Variants in ZBTB7C observed in about 807,000 individuals in gnomAD.
ZBTB7C encodes zinc finger and BTB domain containing 7C.
ZBTB7C carries 8 observed loss-of-function variants against 25.7 expected under a neutral mutation model. The ratio of observed to expected loss-of-function variants is 0.31; its 90% CI spans 0.18 to 0.56. The LOEUF is 0.56. Among genes scored for constraint, ZBTB7C ranks in the 20% least tolerant of loss-of-function variants. The probability of loss-of-function intolerance (pLI) is 0.91; values close to 1 mark genes in which losing one functional copy is unlikely to be tolerated. For missense variants in ZBTB7C, 824 were observed against 855.2 expected, an observed-to-expected ratio of 0.96 and a Z score of 0.46; for synonymous variants, 394 against 369.0, an observed-to-expected ratio of 1.07 and a Z score of -0.78.
chr18:48,191,658 C>G (rs527776044), intron 2 of ZBTB7C, among the ~76,000 whole-genome samples: 9 of 152,308 alleles, frequency 5.9e-5, no homozygotes, highest in African/African-American at 1.9e-4. Flanking sequence ...CTAGTGGGAG[C>G]CCAGCGCTTG....
At chr18:48,306,335 C>T (rs1233833567) in intron 2 of ZBTB7C, among the ~76,000 whole-genome samples, 3 of 152,102 alleles carry the variant, frequency 2.0e-5, no homozygotes, top group African/African-American at 7.2e-5. Flanking sequence ...GAAGAAGGGA[C>T]CCAATTCTGT....
intron 2 of ZBTB7C, among the ~76,000 whole-genome samples, chr18:48,234,854 T>C (rs1009116090): frequency 1.3e-5 from 2 of 152,226 alleles, no homozygotes; most frequent in Non-Finnish European, 2.9e-5. Flanking sequence ...GTATTTCCTT[T>C]GTGTATTTCG....
intron 2 of ZBTB7C, among the ~76,000 whole-genome samples, chr18:48,194,970 G>C (rs1290988494): frequency 6.6e-6 from 1 of 152,096 alleles, no homozygotes; most frequent in African/African-American, 2.4e-5. Flanking sequence ...CCAGCTCTGG[G>C]AAACTCAGCC....
chr18:48,316,218 AG>A lies in ZBTB7C; in HGVS notation c.-79+21955del, dbSNP rs2045943618. Among the ~76,000 whole-genome samples the A allele has an allele frequency of 2.0e-5, 3 of 152,240 alleles. No individual in the cohort carries two copies. The South Asian group carries it at 6.2e-4, about 32-fold the overall frequency. ...ACTAAAAATCTTCATGGAAAATAGAAGGGGATTTGTTTTAGTTTTTGTTTTA... is the reference window on the plus strand; with the variant it reads ...ACTAAAAATCTTCATGGAAAATAGAAGGGATTTGTTTTAGTTTTTGTTTTA... On this transcript the variant is annotated intron_variant, in intron 2 of 4. Coordinates refer to ENST00000590800, the MANE Select transcript of ZBTB7C (RefSeq NM_001318841.2).
intron 1 of ZBTB7C, among the ~76,000 whole-genome samples, chr18:48,349,025 C>T (rs1418465162): frequency 2.0e-5 from 3 of 152,156 alleles, no homozygotes; most frequent in Non-Finnish European, 2.9e-5. Flanking sequence ...GGCATGGAAG[C>T]TGGGGGAGGG....
chr18:48,230,229 T>C (rs1221567848), intron 2 of ZBTB7C, among the ~76,000 whole-genome samples: 1 of 152,158 alleles, frequency 6.6e-6, no homozygotes, highest in Non-Finnish European at 1.5e-5. Context: ...CATCCACCAG[T>C]CCTCTCCCCA....
At chr18:48,297,357 A>G (rs533199091) in intron 2 of ZBTB7C, among the ~76,000 whole-genome samples, 2 of 152,296 alleles carry the variant, frequency 1.3e-5, no homozygotes, top group South Asian at 4.2e-4. Context: ...TTGTTTGTAT[A>G]GACTCTTATA....
intron 2 of ZBTB7C, among the ~76,000 whole-genome samples, chr18:48,315,174 A>C (rs563291207): frequency 6.6e-6 from 1 of 152,330 alleles, no homozygotes; most frequent in Admixed American, 6.5e-5. Context: ...TGCATAAAGC[A>C]GGTACCTAGA....
At chr18:48,272,056 T>A (rs569037286) in intron 2 of ZBTB7C, among the ~76,000 whole-genome samples, 1 of 152,316 alleles carries the variant, frequency 6.6e-6, no homozygotes, top group East Asian at 1.9e-4. Flanking sequence ...ATGCACCTCA[T>A]GATGGTTAAT....
At chr18:48,197,131 G>T (rs1480316486) in intron 2 of ZBTB7C, among the ~76,000 whole-genome samples, 1 of 152,192 alleles carries the variant, frequency 6.6e-6, no homozygotes, top group Admixed American at 6.5e-5. Context: ...GAAGGTGCAT[G>T]CAAGGCCTGG....
Position 48,063,623 on chromosome 18 carries a change from T to C in ZBTB7C, c.-16-22500A>G, listed in dbSNP as rs73447946. The stretch of plus-strand genomic sequence containing the variant: ...GGAGGAGAGGTGACAGTATGTGTTA[T>C]AGAAATAAAAGAATGGCCAATTGCC... On this transcript the variant is annotated intron_variant, in intron 3 of 4. Coordinates refer to ENST00000590800, the MANE Select transcript of ZBTB7C (RefSeq NM_001318841.2). 6.8e-3 allele frequency among the ~76,000 whole-genome samples: 1,032 copies of C among 152,350 alleles called. 8 individuals are homozygous for C. The highest frequency in any genetic ancestry group is 0.024 in the African/African-American group (983 of 41,588).
intron 2 of ZBTB7C, among the ~76,000 whole-genome samples, chr18:48,261,029 A>G (rs1311064450): frequency 6.6e-6 from 1 of 152,232 alleles, no homozygotes; most frequent in East Asian, 1.9e-4. Flanking sequence ...ACTTAAATTA[A>G]GAATTCAATA....
intron 2 of ZBTB7C, among the ~76,000 whole-genome samples, chr18:48,282,071 A>G (rs2044870649): frequency 6.7e-6 from 1 of 150,272 alleles, no homozygotes; most frequent in Non-Finnish European, 1.5e-5. Flanking sequence ...CAAATGTCCA[A>G]CAATGATAGA....
At chr18:48,305,240 C>A (rs112883408) in intron 2 of ZBTB7C, among the ~76,000 whole-genome samples, 1 of 152,162 alleles carries the variant, frequency 6.6e-6, no homozygotes, top group Non-Finnish European at 1.5e-5. Flanking sequence ...TAATTATCTG[C>A]GTGGCTGTTG....
intron 2 of ZBTB7C, among the ~76,000 whole-genome samples, chr18:48,307,574 G>A (rs1401179527): frequency 2.6e-5 from 4 of 152,216 alleles, no homozygotes; most frequent in African/African-American, 7.2e-5. Flanking sequence ...CTCTGGCCGG[G>A]TGCGGTGGCT....
chr18:48,277,531 T>A (rs2044700093), intron 2 of ZBTB7C, among the ~76,000 whole-genome samples: 1 of 152,236 alleles, frequency 6.6e-6, no homozygotes, highest in Non-Finnish European at 1.5e-5. Flanking sequence ...TTCACTTAGA[T>A]TTTGAGAATT....
chr18:48,384,864 T>C (rs566276999), intron 1 of ZBTB7C, among the ~76,000 whole-genome samples: 7 of 152,274 alleles, frequency 4.6e-5, no homozygotes, highest in African/African-American at 1.4e-4. Context: ...GTATTTTTAG[T>C]AGAGACGAGG....
chr18:48,165,127 T>G (rs1451028863), intron 3 of ZBTB7C: 16 of 1,289,488 alleles, frequency 1.2e-5, no homozygotes, highest in Admixed American at 4.6e-5. Context: ...ACAGGGACAC[T>G]CACCAACCCT....
At chr18:48,156,195 G>C (rs986974801) in intron 3 of ZBTB7C, among the ~76,000 whole-genome samples, 15 of 152,188 alleles carry the variant, frequency 9.9e-5, no homozygotes, top group African/African-American at 3.4e-4. Flanking sequence ...AAAGTAAGAG[G>C]GAAGATGGAG....
Sources: gnomAD v4.1 joint callset for allele counts (sites outside exome capture counted in the v4.1 genomes callset) on GRCh38, gnomAD v4.1.1 for gene constraint, MANE v1.5 for transcripts, NCBI Gene and HGNC (gene_info 2026-07-23, HGNC 2026-07-21) for gene names.